Variants in ZNF236 observed in about 807,000 individuals in gnomAD.
ZNF236 encodes zinc finger protein 236.
A neutral mutation model predicts 191.2 loss-of-function variants in ZNF236; 50 were observed. The observed-to-expected ratio is 0.26, with a 90% CI of 0.21 to 0.33. ZNF236 has a LOEUF of 0.33. Ranked by LOEUF, ZNF236 falls within the 10% of genes least tolerant of loss-of-function variation. ZNF236 has a pLI of 1.00. For synonymous variants in ZNF236, 907 were observed against 928.8 expected (o/e 0.98, Z 0.43); for missense variants, 1,754 against 2,374.5 (o/e 0.74, Z 5.43).
At chr18:76,941,254 G>A (rs936404565) in intron 26 of ZNF236, among the ~76,000 whole-genome samples, 18 of 152,284 alleles carry the variant, frequency 1.2e-4, no homozygotes, top group Middle Eastern at 3.4e-3. Flanking sequence ...GGGATGCGCT[G>A]TGGCCCATTT....
Position 76,908,400 on chromosome 18 carries a change from A to G in ZNF236, c.2378A>G (p.Gln793Arg). 1 of 1,614,230 alleles carries G rather than the reference A, an allele frequency of 6.2e-7. No individual in the cohort carries two copies. The highest frequency in any genetic ancestry group is 8.5e-7 in the Non-Finnish European group (1 of 1,180,042). Residue 793 changes from glutamine to arginine, a missense_variant, in exon 14 of 31, where the codon CAG becomes CGG. Gln to Arg is a conservative substitution (Grantham distance 43, BLOSUM62 1). This residue lies in a region of ZNF236 where 641 missense variants were observed against 869.6 expected (regional missense o/e 0.74). Transcript: ENST00000320610. ...DDSTVDQQSM[Q>R]ASTQMQVEIE... ...AGCACTGTAGACCAGCAGAGCATGC[A>G]GGCCTCCACTCAAATGCAGGTGGAG...
chr18:76,868,662 C>T (rs1390056484), intron 3 of ZNF236, 23 bp from the exon 4 acceptor site: 1 of 1,574,790 alleles, frequency 6.4e-7, no homozygotes. Flanking sequence ...TTGCTCTGCT[C>T]ACCGATGGGT....
chr18:76,962,033 C>T (rs939391730), intron 30 of ZNF236, among the ~76,000 whole-genome samples: 1 of 152,156 alleles, frequency 6.6e-6, no homozygotes, highest in African/African-American at 2.4e-5. Context: ...GTTTAGTCTG[C>T]TGACTGTTCC....
rs1968861425 is a variant in ZNF236, at chr18:76,969,268, A to G, written c.*929A>G. On this transcript the variant is annotated 3_prime_UTR_variant, in exon 31 of 31. Coordinates refer to ENST00000320610, the MANE Select transcript of ZNF236 (RefSeq NM_001306089.2). Reference sequence around the variant, plus strand: ...AACAGATGTATTTTTGATTTCAGGGAATTCTTTAGTATCGTCAATGGTGCC... The same window carrying G: ...AACAGATGTATTTTTGATTTCAGGGGATTCTTTAGTATCGTCAATGGTGCC... The G allele has an allele frequency of 6.5e-6, 1 of 152,714 alleles. No individual in the cohort carries two copies. Among genetic ancestry groups the G allele is most frequent in the African/African-American group, 2.4e-5 (1 of 41,438 alleles). The allele number at this position is 152,714 out of a possible 1,614,324, so 9.5% of individuals were successfully genotyped here.
chr18:76,878,042 T>C lies in ZNF236; in HGVS notation c.874T>C (p.Cys292Arg). 1 of 1,612,958 alleles carries C rather than the reference T, an allele frequency of 6.2e-7. No individual in the cohort carries two copies. Among genetic ancestry groups the C allele is most frequent in the Non-Finnish European group, 8.5e-7 (1 of 1,179,204 alleles). Reference protein sequence around the residue: ...KNGPTYNCTECSCVFKSLGSL... With the variant: ...KNGPTYNCTERSCVFKSLGSL... ...TGGTCCTACCTATAACTGTACAGAA[T>C]GTAGTTGTGTATTTAAAAGTTTAGG... The change falls in exon 7 of 31, where the codon TGT becomes CGT. Residue 292 changes from cysteine (C) to arginine (R), a missense_variant. This residue lies in a region of ZNF236 where 336 missense variants were observed against 495.1 expected (regional missense o/e 0.68). Transcript: ENST00000320610.
At chr18:76,933,438 C>T (rs1042014065) in intron 25 of ZNF236, among the ~76,000 whole-genome samples, 2 of 151,632 alleles carry the variant, frequency 1.3e-5, no homozygotes, top group Non-Finnish European at 2.9e-5. Flanking sequence ...CCACTCCAGC[C>T]TGGGTGACGA....
chr18:76,842,495 T>TAATCCCAGC (rs1167080513), intron 1 of ZNF236, among the ~76,000 whole-genome samples: 3 of 151,842 alleles, frequency 2.0e-5, no homozygotes, highest in African/African-American at 7.3e-5. Context: ...CTGACACCTG[T>TAATCCCAGC]AATCCCAGCA....
At chr18:76,834,385 TTTTTCA>T (rs1287602211) in intron 1 of ZNF236, 3 of 180,808 alleles carry the variant, frequency 1.7e-5, no homozygotes, top group African/African-American at 7.1e-5. Context: ...GTTTTTTTTT[TTTTTCA>T]TTTCAAGTTT....
chr18:76,959,933 C>T, intron 29 of ZNF236, 117 bp downstream of exon 29: 1 of 1,233,054 alleles, frequency 8.1e-7, no homozygotes, highest in Non-Finnish European at 1.1e-6. Context: ...ATTTATAAAG[C>T]AAGGTCCACA....
At position 76,880,442 on chromosome 18, in the gene ZNF236, G is replaced by A; in HGVS notation, c.1188+126G>A. 1 of 984,376 alleles carries A rather than the reference G, an allele frequency of 1.0e-6. No homozygotes were observed. Among genetic ancestry groups the A allele is most frequent in the Non-Finnish European group, 1.4e-6 (1 of 693,508 alleles). The allele number at this position is 984,376 out of a possible 1,614,324, so 61.0% of individuals were successfully genotyped here. A position where few individuals can be genotyped will look rare whatever the true frequency, so the allele number is the denominator to read the frequency against. On this transcript the variant is annotated intron_variant, in intron 8 of 30. Transcript: ENST00000320610. The surrounding 1 kb of genome is among the most constrained non-coding windows in gnomAD (Gnocchi z 5.0). ...GGGTATCCTCATGAAAAATGTGCCTGAACCGAAAGAAATTAATATGCCTAC... is the reference window on the plus strand; with the variant it reads ...GGGTATCCTCATGAAAAATGTGCCTAAACCGAAAGAAATTAATATGCCTAC...
At chr18:76,866,114 A>C in intron 3 of ZNF236, among the ~76,000 whole-genome samples, 1 of 152,232 alleles carries the variant, frequency 6.6e-6, no homozygotes, top group Non-Finnish European at 1.5e-5. Flanking sequence ...TTATTTTTTG[A>C]GTAAATCACT....
In ZNF236 at chr18:76,955,878, G is replaced by C. The variant is rs368897069; in HGVS notation, c.4915-107G>C. The C allele has an allele frequency of 4.0e-6, 5 of 1,258,142 alleles. No individual in the cohort carries two copies. In the African/African-American group the frequency reaches 7.4e-5, roughly 19 times the overall value. 77.9% of individuals were successfully genotyped at this position (1,258,142 alleles called of 1,614,324 possible). ...ATAGGACATGCAGTGTGGGCTTGGC[G>C]TGTCCGTGCTAGGAATGTCCCTCTT... is the stretch of plus-strand genomic sequence containing the variant. On this transcript the variant is annotated intron_variant, in intron 27 of 30. Coordinates refer to ENST00000320610, the MANE Select transcript of ZNF236 (RefSeq NM_001306089.2).
In ZNF236 at chr18:76,871,763, C is replaced by T. The variant is rs773905003; in HGVS notation, c.605C>T (p.Pro202Leu). ...AGAAGTGGATTCACGTATTCGTGTCCGCACTGTGGAAAGACGTTTCAAAAG... is the reference window on the plus strand; with the variant it reads ...AGAAGTGGATTCACGTATTCGTGTCTGCACTGTGGAAAGACGTTTCAAAAG... ...IDRSGFTYSC[P>L]HCGKTFQKPS... is the part of the protein sequence containing the mutation. Residue 202 changes from proline (P) to leucine (L), a missense_variant, in exon 5 of 31, where the codon CCG (proline) becomes CTG (leucine). By Grantham distance (98) the Pro-to-Leu change is moderately conservative (BLOSUM62 -3). Around this residue, in one of 5 missense-constraint regions of ZNF236, gnomAD observed 336 missense variants for 495.1 expected, o/e 0.68. Coordinates refer to ENST00000320610, the MANE Select transcript of ZNF236 (RefSeq NM_001306089.2). 9 of 1,614,030 alleles carry T rather than the reference C, an allele frequency of 5.6e-6. No homozygotes were observed. The highest frequency in any genetic ancestry group is 2.2e-5 in the East Asian group (1 of 44,886).
In ZNF236 at chr18:76,876,322, C is replaced by T. The variant is rs182988127; in HGVS notation, c.840+658C>T. Among the ~76,000 whole-genome samples, 340 of 152,284 alleles carry T rather than the reference C, an allele frequency of 2.2e-3. 1 individual carries two copies. The highest frequency in any genetic ancestry group is 7.9e-3 in the African/African-American group (327 of 41,544). On this transcript the variant is annotated intron_variant, in intron 6 of 30. Coordinates refer to ENST00000320610, the MANE Select transcript of ZNF236 (RefSeq NM_001306089.2). ...AAGAAATATTTAAACAACACAAATACTTTTATCATGGATCAGTATATCCTA... is the reference window on the plus strand; with the variant it reads ...AAGAAATATTTAAACAACACAAATATTTTTATCATGGATCAGTATATCCTA...
Position 76,925,280 on chromosome 18 carries a change from G to C in ZNF236, c.3753G>C (p.Lys1251Asn). The C allele has an allele frequency of 6.2e-7, 1 of 1,614,186 alleles. No homozygotes were observed. Residue 1251 changes from lysine (K) to asparagine (N), a missense_variant, in exon 22 of 31, where the codon AAG becomes AAC. Coordinates refer to ENST00000320610, the MANE Select transcript of ZNF236 (RefSeq NM_001306089.2). The surrounding 1 kb of genome is among the most constrained non-coding windows in gnomAD (Gnocchi z 5.7). The part of the protein sequence containing the change: ...KVHMRLHTGA[K>N]PFKCPHCELR... ...ACATGCGCCTGCACACGGGAGCCAA[G>C]CCCTTCAAATGCCCGCATTGCGAGC...
Position 76,919,323 on chromosome 18 carries a change from G to T in ZNF236, c.3275-453G>T, listed in dbSNP as rs982271186. 3.9e-5 allele frequency among the ~76,000 whole-genome samples: 6 copies of T among 152,150 alleles called. No individual in the cohort carries two copies. The highest frequency in any genetic ancestry group is 8.8e-5 in the Non-Finnish European group (6 of 68,026). On this transcript the variant is annotated intron_variant, in intron 19 of 30. Coordinates refer to ENST00000320610, the MANE Select transcript of ZNF236 (RefSeq NM_001306089.2). The surrounding 1 kb of genome is among the most constrained non-coding windows in gnomAD (Gnocchi z 5.3). ...ATTTCTACATATTTATGACGCACAT[G>T]TGATATTTTGTTTCATGTATAGAAT... is the stretch of plus-strand genomic sequence containing the variant.
At chr18:76,940,935 G>A (rs1474757686) in intron 26 of ZNF236, among the ~76,000 whole-genome samples, 2 of 152,166 alleles carry the variant, frequency 1.3e-5, no homozygotes, top group African/African-American at 4.8e-5. Flanking sequence ...TCTCAAAGGA[G>A]CATGAATCCT....
rs1968653141 is a variant in ZNF236 at position 76,960,970 on chromosome 18, G to A, written c.5419+115G>A. On this transcript the variant is annotated intron_variant, in intron 30 of 30. Coordinates refer to ENST00000320610, the MANE Select transcript of ZNF236 (RefSeq NM_001306089.2). The surrounding 1 kb of genome is among the most constrained non-coding windows in gnomAD (Gnocchi z 4.4). ...GTGATTTTGCATTGCACGTGGTACA[G>A]CCTCAGTTGTGTGGACTGGAAGCTT... 4.3e-6 allele frequency: 5 copies of A among 1,174,350 alleles called. No individual in the cohort carries two copies. The highest frequency in any genetic ancestry group is 2.9e-4 in the Middle Eastern group (1 of 3,396). The allele number at this position is 1,174,350 out of a possible 1,614,324, so 72.7% of individuals were successfully genotyped here. A position where few individuals can be genotyped will look rare whatever the true frequency, so the allele number is the denominator to read the frequency against.
rs1344919558 is a variant in ZNF236 at position 76,851,924 on chromosome 18, A to G, written c.348A>G (p.Leu116=). ...CTAGTCTCAAAGCGCATATTATGCT[A>G]CATGAAAAGGAAGAGGTAATCATCA... is the stretch of plus-strand genomic sequence containing the variant. ...RVASLKAHIM[L]HEKEENLICS... Residue 116 remains leucine (L), a synonymous_variant, in exon 3 of 31, where the codon CTA becomes CTG. Transcript: ENST00000320610. 1 of 1,609,728 alleles carries G rather than the reference A, an allele frequency of 6.2e-7. No individual in the cohort carries two copies. Among genetic ancestry groups the G allele is most frequent in the South Asian group, 1.1e-5 (1 of 89,664 alleles).
Sources: allele counts gnomAD v4.1 joint callset (sites outside exome capture counted in the v4.1 genomes callset), GRCh38; gene constraint gnomAD v4.1.1; regional missense constraint gnomAD v4.1.1; non-coding constraint Gnocchi (gnomAD v3.1); transcripts MANE v1.5; gene names NCBI Gene and HGNC (gene_info 2026-07-23, HGNC 2026-07-21).